GAN: variants seen among roughly 807,000 people sequenced by gnomAD.
GAN encodes the protein gigaxonin.
Under a neutral mutation model 71.3 loss-of-function variants are expected in GAN, and 48 were observed. The ratio of observed to expected loss-of-function variants is 0.67; its 90% confidence interval spans 0.53 to 0.86. The LOEUF (loss-of-function observed/expected upper bound fraction) is 0.86. Among genes scored for constraint, GAN ranks in the 40% least tolerant of loss-of-function variants. GAN has a pLI of 0.00. For synonymous variants in GAN, 386 were observed against 276.8 expected (o/e 1.39, Z -3.92); for missense variants, 928 against 770.1 (o/e 1.21, Z -2.43).
chr16:81,382,249 C>T lies in GAN; in HGVS notation c.*4653C>T, dbSNP rs1016869164. Reference sequence around the variant, plus strand: ...CCAGGTCTTTGGATTATCAGCTCACCAGTCAGCCAGTGAGGCTGGAACTTG... The same window carrying T: ...CCAGGTCTTTGGATTATCAGCTCACTAGTCAGCCAGTGAGGCTGGAACTTG... On this transcript the variant is annotated 3_prime_UTR_variant, in exon 11 of 11. Coordinates refer to ENST00000648994, the MANE Select transcript of GAN (RefSeq NM_022041.4). 1 of 152,132 alleles carries T rather than the reference C, an allele frequency of 6.6e-6. No homozygotes were observed. The highest frequency in any genetic ancestry group is 2.4e-5 in the African/African-American group (1 of 41,436). The allele number at this position is 152,132 out of a possible 1,614,324, so 9.4% of individuals were successfully genotyped here.
intron 2 of GAN, among the ~76,000 whole-genome samples, chr16:81,353,376 T>A (rs1040401616): frequency 6.6e-6 from 1 of 151,768 alleles, no homozygotes; most frequent in Non-Finnish European, 1.5e-5. Context: ...TGCAGTTGAG[T>A]GTTTTTTTCA....
chr16:81,363,312 C>A (rs1032740787), intron 6 of GAN, among the ~76,000 whole-genome samples: 3 of 152,176 alleles, frequency 2.0e-5, no homozygotes, highest in Non-Finnish European at 4.4e-5. Flanking sequence ...TGAGGATTTT[C>A]TGATGAACTC....
chr16:81,342,242 AG>A (rs1444787037), intron 1 of GAN, among the ~76,000 whole-genome samples: 4 of 152,234 alleles, frequency 2.6e-5, no homozygotes, highest in Admixed American at 2.0e-4. Context: ...AAAATTAATA[AG>A]GGTATGCAGA....
intron 10 of GAN, 27 bp downstream of exon 10, chr16:81,377,355 G>T (rs748178368): frequency 6.3e-7 from 1 of 1,590,232 alleles, no homozygotes; most frequent in Admixed American, 1.7e-5. Flanking sequence ...GATTTTCTTG[G>T]AACTGTTTCC....
At chr16:81,324,374 G>C (rs1474103184) in intron 1 of GAN, among the ~76,000 whole-genome samples, 1 of 152,130 alleles carries the variant, frequency 6.6e-6, no homozygotes, top group Non-Finnish European at 1.5e-5. Flanking sequence ...GCTGTGGCCT[G>C]GGTGACGGGA....
rs1016107683 is a variant in GAN at position 81,390,544 on chromosome 16, C to G, written c.*12948C>G. Reference sequence around the variant, plus strand: ...GGACCTGTGCTTGGGGAACATTTTGCCATCATGCTGTTCTCTTGTACCAAG... The same window carrying G: ...GGACCTGTGCTTGGGGAACATTTTGGCATCATGCTGTTCTCTTGTACCAAG... On this transcript the variant is annotated 3_prime_UTR_variant, in exon 11 of 11. Transcript: ENST00000648994. The G allele has an allele frequency of 6.6e-6, 1 of 152,172 alleles. No individual in the cohort carries two copies. Among genetic ancestry groups the G allele is most frequent in the Non-Finnish European group, 1.5e-5 (1 of 68,022 alleles). 9.4% of individuals were successfully genotyped at this position (152,172 alleles called of 1,614,324 possible). A position where few individuals can be genotyped will look rare whatever the true frequency, so the allele number is the denominator to read the frequency against.
At chr16:81,347,312 G>T (rs538935399) in intron 1 of GAN, among the ~76,000 whole-genome samples, 2 of 152,310 alleles carry the variant, frequency 1.3e-5, no homozygotes, top group Admixed American at 1.3e-4. Context: ...AAAGAAAGTT[G>T]TCTAAATACC....
intron 1 of GAN, among the ~76,000 whole-genome samples, chr16:81,346,848 CA>C (rs1390160266): frequency 6.6e-6 from 1 of 152,166 alleles, no homozygotes; most frequent in South Asian, 2.1e-4. Context: ...AACCAGCAAG[CA>C]AAACTCTCAC....
At chr16:81,319,707 C>A (rs1000390768) in intron 1 of GAN, among the ~76,000 whole-genome samples, 1 of 152,002 alleles carries the variant, frequency 6.6e-6, no homozygotes, top group Non-Finnish European at 1.5e-5. Context: ...GGCTTCCCCC[C>A]GACCCCCCCT....
At position 81,322,767 on chromosome 16, in the gene GAN, T is replaced by C. The variant is rs551326393; in HGVS notation, c.167+7487T>C. The stretch of plus-strand genomic sequence containing the variant: ...AGTTGCCTACACCTCTGAATAATAG[T>C]AAATGGTTTAGTATTACTGAGCTCA... On this transcript the variant is annotated intron_variant, in intron 1 of 10. Coordinates refer to ENST00000648994, the MANE Select transcript of GAN (RefSeq NM_022041.4). Among the ~76,000 whole-genome samples the C allele has an allele frequency of 7.2e-5, 11 of 152,342 alleles. No individual in the cohort carries two copies. In the South Asian group the frequency reaches 2.3e-3, roughly 32 times the overall value.
intron 1 of GAN, among the ~76,000 whole-genome samples, chr16:81,348,986 A>G (rs2150682369): frequency 6.6e-6 from 1 of 152,146 alleles, no homozygotes; most frequent in Admixed American, 6.5e-5. Flanking sequence ...CCTACCCTCA[A>G]ATGTGCCTGG....
chr16:81,352,456 CAGAA>C (rs1235957128), intron 2 of GAN, among the ~76,000 whole-genome samples: 1 of 152,138 alleles, frequency 6.6e-6, no homozygotes, highest in Non-Finnish European at 1.5e-5. Flanking sequence ...GTTTTTTTAA[CAGAA>C]GGAAGAGGTC....
At chr16:81,356,733 A>T in intron 3 of GAN, 52 bp from the exon 4 acceptor site, 2 of 1,184,656 alleles carry the variant, frequency 1.7e-6, no homozygotes, top group Non-Finnish European at 2.5e-6. Flanking sequence ...TCTAAAAATG[A>T]TGTGTTGCAT....
intron 1 of GAN, among the ~76,000 whole-genome samples, chr16:81,339,036 T>C (rs1909857226): frequency 6.6e-6 from 1 of 152,246 alleles, no homozygotes. Flanking sequence ...CTGTTGAATT[T>C]ATCTATGAAT....
chr16:81,340,472 A>C (rs1909903910), intron 1 of GAN, among the ~76,000 whole-genome samples: 1 of 152,282 alleles, frequency 6.6e-6, no homozygotes, highest in Non-Finnish European at 1.5e-5. Context: ...TGCAGTCTCC[A>C]CTGGTGATAC....
chr16:81,373,980 A>T (rs1335077780), intron 9 of GAN, among the ~76,000 whole-genome samples: 1 of 152,152 alleles, frequency 6.6e-6, no homozygotes, highest in Non-Finnish European at 1.5e-5. Flanking sequence ...TGACTTCGTG[A>T]TCCACCCGCC....
chr16:81,327,165 G>T (rs542913925), intron 1 of GAN, among the ~76,000 whole-genome samples: 4 of 152,372 alleles, frequency 2.6e-5, no homozygotes, highest in Middle Eastern at 6.8e-3. Context: ...TATTCAGAAA[G>T]AGTAGCTCTG....
intron 4 of GAN, among the ~76,000 whole-genome samples, 186 bp downstream of exon 4, chr16:81,357,188 G>A (rs1458863633): frequency 6.6e-6 from 1 of 151,916 alleles, no homozygotes; most frequent in African/African-American, 2.4e-5. Flanking sequence ...CATGTGCCAT[G>A]CTGGTGTGCT....
At chr16:81,375,804 GA>G (rs989652209) in intron 9 of GAN, among the ~76,000 whole-genome samples, 129 of 144,456 alleles carry the variant, frequency 8.9e-4, no homozygotes, top group African/African-American at 1.5e-3. Context: ...CATCTCTATG[GA>G]AAAAAAAAAA....
Sources: gnomAD v4.1 joint callset for allele counts (sites outside exome capture counted in the v4.1 genomes callset) on GRCh38, gnomAD v4.1.1 for gene constraint, MANE v1.5 for transcripts, NCBI Gene and HGNC (gene_info 2026-07-23, HGNC 2026-07-21) for gene names.